Variants in FRK observed in about 807,000 individuals in gnomAD.
The protein encoded by FRK is tyrosine-protein kinase FRK.
Under a neutral mutation model 56.4 loss-of-function variants are expected in FRK, and 51 were observed. The observed-to-expected ratio is 0.90, with a 90% confidence interval of 0.72 to 1.14. The LOEUF is 1.14. Ranked by LOEUF, FRK falls within the 50% of genes most tolerant of loss-of-function variation. FRK has a pLI of 0.00. For missense variants in FRK, 570 were observed against 601.4 expected, an observed-to-expected ratio of 0.95 and a Z score of 0.55; for synonymous variants, 245 against 217.9, an observed-to-expected ratio of 1.12 and a Z score of -1.10.
rs1772064936 is a variant in FRK, at chr6:115,936,986, A to T, written c.*5428T>A. ...AGGAAATACAGAGAACGCCACAAAG[A>T]TACTCCTCGAGCAGAGCAACCCCAA... On this transcript the variant is annotated 3_prime_UTR_variant, in exon 8 of 8. Coordinates refer to ENST00000606080, the MANE Select transcript of FRK (RefSeq NM_002031.3). 6.6e-6 allele frequency: 1 copy of T among 152,168 alleles called. No homozygotes were observed. The highest frequency in any genetic ancestry group is 1.9e-4 in the East Asian group (1 of 5,196). The allele number at this position is 152,168 out of a possible 1,614,324, so 9.4% of individuals were successfully genotyped here. A position where few individuals can be genotyped will look rare whatever the true frequency, so the allele number is the denominator to read the frequency against.
At chr6:115,958,704 G>GAAAAAAAGAAAGA (rs5879359) in intron 4 of FRK, among the ~76,000 whole-genome samples, 1 of 6,960 alleles carries the variant, frequency 1.4e-4, no homozygotes, top group Non-Finnish European at 3.0e-4. Flanking sequence ...AAGAAAGAAA[G>GAAAAAAAGAAAGA]AAGAAAGAAA....
chr6:116,087,219 G>T, the FRK span, among the ~76,000 whole-genome samples: 1 of 152,114 alleles, frequency 6.6e-6, no homozygotes, highest in African/African-American at 2.4e-5. Flanking sequence ...ATATTTTTAT[G>T]GTAGCTACCA....
rs144837763 is a variant in FRK at position 115,974,064 on chromosome 6, A to G, written c.467-5325T>C. The stretch of plus-strand genomic sequence containing the variant: ...TGACATCTATCAAAAAGAGAAGTCC[A>G]TAAATTAAAGCTGAGATGTCTAGCA... On this transcript the variant is annotated intron_variant, in intron 2 of 7. Coordinates refer to ENST00000606080, the MANE Select transcript of FRK (RefSeq NM_002031.3). Among the ~76,000 whole-genome samples the G allele has an allele frequency of 2.5e-4, 38 of 152,356 alleles. No individual in the cohort carries two copies. In the East Asian group the frequency reaches 7.3e-3, roughly 29 times the overall value.
intron 2 of FRK, among the ~76,000 whole-genome samples, chr6:115,988,991 C>G (rs539254355): frequency 6.6e-6 from 1 of 151,790 alleles, no homozygotes; most frequent in Non-Finnish European, 1.5e-5. Context: ...AATCCAAAAC[C>G]CGCACCAGGT....
In FRK at chr6:115,967,541, G is replaced by A; in HGVS notation, c.799+10C>T. On this transcript the variant is annotated intron_variant, in intron 4 of 7. Coordinates refer to ENST00000606080, the MANE Select transcript of FRK (RefSeq NM_002031.3). ...CAACATATGCCATTTAACCTTTATT[G>A]TTCTCGCACCTGGTTTTAATGTTTT... 1.2e-6 allele frequency: 2 copies of A among 1,611,766 alleles called. No homozygotes were observed. Among genetic ancestry groups the A allele is most frequent in the East Asian group, 2.2e-5 (1 of 44,850 alleles).
chr6:115,982,929 A>T (rs1349792245), intron 2 of FRK, among the ~76,000 whole-genome samples: 2 of 151,946 alleles, frequency 1.3e-5, no homozygotes, highest in Non-Finnish European at 2.9e-5. Context: ...AAATTTAGCC[A>T]GGCATGGTGG....
intron 4 of FRK, among the ~76,000 whole-genome samples, chr6:115,966,062 T>TAAA (rs59379013): frequency 4.7e-5 from 6 of 126,584 alleles, no homozygotes; most frequent in African/African-American, 8.8e-5. Context: ...AAAAAAAAAT[T>TAAA]AAAAAAAAAA....
chr6:116,025,304 A>G (rs899034950), intron 1 of FRK, among the ~76,000 whole-genome samples: 2 of 152,192 alleles, frequency 1.3e-5, no homozygotes, highest in African/African-American at 4.8e-5. Flanking sequence ...AATTGGCAAT[A>G]TTTGTTATGA....
At chr6:116,006,274 A>G (rs1313179119) in intron 1 of FRK, among the ~76,000 whole-genome samples, 2 of 152,226 alleles carry the variant, frequency 1.3e-5, no homozygotes, top group African/African-American at 2.4e-5. Context: ...AATAAAAATG[A>G]CAGGAACACG....
chr6:116,080,424 G>A, the FRK span, among the ~76,000 whole-genome samples: 1 of 152,182 alleles, frequency 6.6e-6, no homozygotes, highest in Non-Finnish European at 1.5e-5. Flanking sequence ...AAAGTGCTAG[G>A]ATTACAGGCG....
At chr6:116,045,604 A>G (rs1776918227) in intron 1 of FRK, among the ~76,000 whole-genome samples, 1 of 152,226 alleles carries the variant, frequency 6.6e-6, no homozygotes, top group African/African-American at 2.4e-5. Flanking sequence ...TAAAGACTTA[A>G]ACGTAAGACC....
At chr6:115,947,108 T>C (rs1458292483) in intron 5 of FRK, among the ~76,000 whole-genome samples, 1 of 152,148 alleles carries the variant, frequency 6.6e-6, no homozygotes, top group African/African-American at 2.4e-5. Flanking sequence ...TGTGGGGTTG[T>C]AATTGACAAA....
chr6:116,004,508 C>T (rs182865657), intron 1 of FRK, among the ~76,000 whole-genome samples: 1 of 152,224 alleles, frequency 6.6e-6, no homozygotes, highest in Admixed American at 6.5e-5. Flanking sequence ...TTCCCACCTC[C>T]ACCACTGTCC....
At chr6:116,069,105 CA>C in the FRK span, among the ~76,000 whole-genome samples, 1 of 152,160 alleles carries the variant, frequency 6.6e-6, no homozygotes, top group Non-Finnish European at 1.5e-5. Context: ...GATAATTCAT[CA>C]ATCAAGATTC....
chr6:115,958,639 G>GA (rs1554225731), intron 4 of FRK, among the ~76,000 whole-genome samples: 86 of 4,508 alleles, frequency 0.019, 2 homozygotes, highest in Non-Finnish European at 0.046. Context: ...AAAAAGGAAA[G>GA]AAAGAAAAGA....
At chr6:115,986,951 A>G (rs1450586518) in intron 2 of FRK, among the ~76,000 whole-genome samples, 3 of 152,108 alleles carry the variant, frequency 2.0e-5, no homozygotes, top group African/African-American at 7.2e-5. Flanking sequence ...ATCCAAACAA[A>G]CAAAACAAAA....
the FRK span, among the ~76,000 whole-genome samples, chr6:116,084,124 A>G: frequency 6.6e-6 from 1 of 152,222 alleles, no homozygotes; most frequent in Non-Finnish European, 1.5e-5. Context: ...GCAATAAAAT[A>G]TGATTACCCA....
chr6:116,042,214 C>A (rs558937871), intron 1 of FRK, among the ~76,000 whole-genome samples: 1 of 152,276 alleles, frequency 6.6e-6, no homozygotes, highest in East Asian at 1.9e-4. Flanking sequence ...CCTCTCTGGG[C>A]AGGGCATCTC....
intron 4 of FRK, among the ~76,000 whole-genome samples, chr6:115,960,298 A>G (rs1278680511): frequency 6.6e-6 from 1 of 150,866 alleles, no homozygotes; most frequent in Non-Finnish European, 1.5e-5. Flanking sequence ...GCACCTGGAA[A>G]ATCGGGTCAC....
Sources: allele counts gnomAD v4.1 joint callset (sites outside exome capture counted in the v4.1 genomes callset), GRCh38; gene constraint gnomAD v4.1.1; transcripts MANE v1.5; gene names NCBI Gene and HGNC (gene_info 2026-07-23, HGNC 2026-07-21).